The following PSME4 variants were observed in gnomAD, a reference collection of about 807,000 sequenced individuals.
The protein encoded by PSME4 is proteasome activator complex subunit 4.
In PSME4, 89 loss-of-function variants were observed where a neutral mutation model predicts 253.9. The ratio of observed to expected loss-of-function variants is 0.35; its 90% CI spans 0.30 to 0.42. The LOEUF is 0.42. Ranked by LOEUF, PSME4 falls within the 10% of genes least tolerant of loss-of-function variation. The probability of loss-of-function intolerance (pLI) is 1.00; values close to 1 mark genes in which losing one functional copy is unlikely to be tolerated. For synonymous variants in PSME4, 851 were observed against 759.2 expected (o/e 1.12, Z -1.99); for missense variants, 2,014 against 2,195.2 (o/e 0.92, Z 1.65).
chr2:53,942,785 A>G (rs2104470670), intron 3 of PSME4, among the ~76,000 whole-genome samples: 1 of 152,270 alleles, frequency 6.6e-6, no homozygotes, highest in Middle Eastern at 3.4e-3. Flanking sequence ...CTGAGTAGCT[A>G]CTAATTTATG....
intron 2 of PSME4, among the ~76,000 whole-genome samples, 191 bp downstream of exon 2, chr2:53,948,952 T>C (rs1034546778): frequency 1.5e-4 from 23 of 152,316 alleles, no homozygotes; most frequent in African/African-American, 4.6e-4. Context: ...GACCATGTCA[T>C]GGAAGAGATG....
chr2:53,937,863 C>A (rs1368127579), intron 4 of PSME4, among the ~76,000 whole-genome samples: 1 of 151,928 alleles, frequency 6.6e-6, no homozygotes, highest in Non-Finnish European at 1.5e-5. Context: ...GATGGCGGCG[C>A]ACATCTGTAG....
chr2:53,881,209 T>C (rs929419469), intron 41 of PSME4, among the ~76,000 whole-genome samples: 7 of 152,212 alleles, frequency 4.6e-5, no homozygotes, highest in Admixed American at 2.0e-4. Context: ...CTCCTGATTA[T>C]TGAAAAAAAT....
intron 41 of PSME4, among the ~76,000 whole-genome samples, chr2:53,878,726 C>A (rs900831695): frequency 6.6e-6 from 1 of 152,190 alleles, no homozygotes; most frequent in Non-Finnish European, 1.5e-5. Context: ...TGAGGAAATT[C>A]CTGCCTAATA....
intron 20 of PSME4, among the ~76,000 whole-genome samples, chr2:53,916,183 G>A (rs1433735640): frequency 6.7e-6 from 1 of 149,070 alleles, no homozygotes; most frequent in Non-Finnish European, 1.5e-5. Context: ...GGAGGTGGAG[G>A]TCGCAGTGAG....
chr2:53,901,524 A>G lies in PSME4; in HGVS notation c.3111T>C (p.Gly1037=). Residue 1037 remains glycine, a synonymous_variant, in exon 28 of 47, where the codon GGT becomes GGC. Transcript: ENST00000404125. ...AATCATGAAGGTTTGCCAAGCACAC[A>G]CCACTGTGATTTCCAAGGAGACAGT... ...ALYCLLGNHS[G]VCLANLHDWD... The G allele has an allele frequency of 1.2e-6, 2 of 1,613,208 alleles. No homozygotes were observed. The highest frequency in any genetic ancestry group is 1.3e-5 in the African/African-American group (1 of 75,012).
At position 53,927,402 on chromosome 2, in the gene PSME4, G is replaced by C. The variant is rs149866201; in HGVS notation, c.1585C>G (p.Leu529Val). 6.4e-7 allele frequency: 1 copy of C among 1,563,750 alleles called. No individual in the cohort carries two copies. The highest frequency in any genetic ancestry group is 8.8e-7 in the Non-Finnish European group (1 of 1,134,340). Reference protein sequence around the residue: ...CSSVLQERNDLTEVERELCSA... With the variant: ...CSSVLQERNDVTEVERELCSA... ...CCATAAAATACCCTTACTTCTGTGA[G>C]GTCATTTCTTTCTTGTAGTACAGAT... Residue 529 changes from leucine to valine, a missense_variant, in exon 12 of 47, where the codon CTC becomes GTC. By Grantham distance (32) the Leu-to-Val change is conservative. Coordinates refer to ENST00000404125, the MANE Select transcript of PSME4 (RefSeq NM_014614.3).
rs1668524636 is a variant in PSME4 at position 53,925,554 on chromosome 2, G to A, written c.1794C>T (p.Ser598=). 6.5e-7 allele frequency: 1 copy of A among 1,549,700 alleles called. No individual in the cohort carries two copies. ...STFSTILTQC[S]KEIFMVALQK... is the part of the protein sequence containing the mutation. ...ATGTTCTTACCATAAATATTTCTTT[G>A]GAACATTGGGTGAGGATTGTACTAA... The change falls in exon 14 of 47, where the codon TCC becomes TCT. Residue 598 remains serine (S), a synonymous_variant. Transcript: ENST00000404125.
chr2:53,887,344 A>G lies in PSME4; in HGVS notation c.4644T>C (p.Asp1548=), dbSNP rs144792180. The change falls in exon 40 of 47, where the codon GAT becomes GAC. Residue 1548 remains aspartate, a synonymous_variant. Coordinates refer to ENST00000404125, the MANE Select transcript of PSME4 (RefSeq NM_014614.3). ...LEKLKPLMDV[D]EEIQNHVMEE... is the part of the protein sequence containing the mutation. ...CCATAACATGGTTCTGAATTTCTTCATCCACATCCATGAGAGGTTTCAATT... is the reference window on the plus strand; with the variant it reads ...CCATAACATGGTTCTGAATTTCTTCGTCCACATCCATGAGAGGTTTCAATT... The G allele has an allele frequency of 6.2e-7, 1 of 1,613,862 alleles. No homozygotes were observed. Among genetic ancestry groups the G allele is most frequent in the African/African-American group, 1.3e-5 (1 of 74,920 alleles).
chr2:53,906,734 G>T (rs1680677053), intron 25 of PSME4, 41 bp from the exon 26 acceptor site: 1 of 1,594,334 alleles, frequency 6.3e-7, no homozygotes, highest in African/African-American at 1.4e-5. Context: ...ATTTGATTAT[G>T]AAAACAAAAC....
At chr2:53,923,945 A>T (rs1668448090) in intron 14 of PSME4, among the ~76,000 whole-genome samples, 6 of 148,596 alleles carry the variant, frequency 4.0e-5, no homozygotes, top group African/African-American at 1.5e-4. Context: ...AAAAAAAAAA[A>T]TTGAGGTACA....
At chr2:53,922,453 C>A in intron 17 of PSME4, 64 bp downstream of exon 17, 1 of 1,543,062 alleles carries the variant, frequency 6.5e-7, no homozygotes, top group South Asian at 1.2e-5. Flanking sequence ...TCAGAAAGAG[C>A]TAAATCCTAA....
rs148848452 is a variant in PSME4, at chr2:53,943,079, C to T, written c.501-3079G>A. On this transcript the variant is annotated intron_variant, in intron 3 of 46. Coordinates refer to ENST00000404125, the MANE Select transcript of PSME4 (RefSeq NM_014614.3). ...AGATTTATGCCTCCTGCCCCCTTGG[C>T]TCTACCAGGACAATATTCACTTCTA... is the stretch of plus-strand genomic sequence containing the variant. Among the ~76,000 whole-genome samples, 282 of 152,312 alleles carry T rather than the reference C, an allele frequency of 1.9e-3. 1 individual carries two copies. The highest frequency in any genetic ancestry group is 6.5e-3 in the African/African-American group (271 of 41,572).
intron 3 of PSME4, among the ~76,000 whole-genome samples, chr2:53,945,461 T>G (rs1669657179): frequency 6.6e-6 from 1 of 152,066 alleles, no homozygotes; most frequent in South Asian, 2.1e-4. Flanking sequence ...AAGGGTCTTT[T>G]GTCCTAGAGG....
At chr2:53,887,092 G>A (rs1367079428) in intron 40 of PSME4, among the ~76,000 whole-genome samples, 167 bp downstream of exon 40, 1 of 152,088 alleles carries the variant, frequency 6.6e-6, no homozygotes, top group Non-Finnish European at 1.5e-5. Context: ...GGTTGCGCAA[G>A]GATGTGAATG....
In PSME4 at chr2:53,970,993, T is replaced by A; in HGVS notation, c.-209A>T. On this transcript the variant is annotated 5_prime_UTR_variant, in exon 1 of 47. Coordinates refer to ENST00000404125, the MANE Select transcript of PSME4 (RefSeq NM_014614.3). Reference sequence around the variant, plus strand: ...TCGTTGGCGGCGGCAGCGGCCGCTCTGCCCGCCCCGCACCGGCTCTGCTGG... The same window carrying A: ...TCGTTGGCGGCGGCAGCGGCCGCTCAGCCCGCCCCGCACCGGCTCTGCTGG... 1 of 452,438 alleles carries A rather than the reference T, an allele frequency of 2.2e-6. No individual in the cohort carries two copies. The highest frequency in any genetic ancestry group is 3.8e-6 in the Non-Finnish European group (1 of 261,446). 28.0% of individuals were successfully genotyped at this position (452,438 alleles called of 1,614,324 possible). A position where few individuals can be genotyped will look rare whatever the true frequency, so the allele number is the denominator to read the frequency against.
chr2:53,928,370 A>G, intron 10 of PSME4, 67 bp from the exon 11 acceptor site: 4 of 1,228,860 alleles, frequency 3.3e-6, no homozygotes, highest in Non-Finnish European at 4.5e-6. Context: ...AATACATTAA[A>G]TATAATAAAT....
chr2:53,910,124 T>G lies in PSME4; in HGVS notation c.2523A>C (p.Pro841=). 1 of 1,606,268 alleles carries G rather than the reference T, an allele frequency of 6.2e-7. No homozygotes were observed. Among genetic ancestry groups the G allele is most frequent in the East Asian group, 2.2e-5 (1 of 44,834 alleles). The change falls in exon 21 of 47, where the codon CCA becomes CCC. Residue 841 remains proline, a synonymous_variant. Coordinates refer to ENST00000404125, the MANE Select transcript of PSME4 (RefSeq NM_014614.3). ...TTGTCTCTTCCAAGGACACCATACT[T>G]GGTACTCTGTATAAAAACAAGAGTG... ...LKGEPVTNLV[P]SMVSLEETKL... is the part of the protein sequence containing the mutation.
chr2:53,888,906 G>T, intron 37 of PSME4, 94 bp from the exon 38 acceptor site: 1 of 1,056,406 alleles, frequency 9.5e-7, no homozygotes, highest in Non-Finnish European at 1.4e-6. Flanking sequence ...TATTTTTGAG[G>T]CTAGGTCTAA....
Sources: allele counts gnomAD v4.1 joint callset (sites outside exome capture counted in the v4.1 genomes callset), GRCh38; gene constraint gnomAD v4.1.1; transcripts MANE v1.5; gene names NCBI Gene and HGNC (gene_info 2026-07-23, HGNC 2026-07-21).